The following ARL5B variants were observed in gnomAD, a reference collection of about 807,000 sequenced individuals.
The protein encoded by ARL5B is ARF like GTPase 5B.
In ARL5B, 10 loss-of-function variants were observed where a neutral mutation model predicts 26.9. The observed-to-expected ratio is 0.37, with a 90% CI of 0.23 to 0.63. ARL5B has a LOEUF of 0.63. Among genes scored for constraint, ARL5B ranks in the 30% least tolerant of loss-of-function variants. The probability of loss-of-function intolerance (pLI) is 0.62; values close to 1 mark genes in which losing one functional copy is unlikely to be tolerated. For synonymous variants in ARL5B, 87 were observed against 70.4 expected (o/e 1.24, Z -1.18); for missense variants, 167 against 213.9 (o/e 0.78, Z 1.37).
At chr10:18,669,934 CA>C (rs1261472619) in intron 3 of ARL5B, among the ~76,000 whole-genome samples, 2 of 146,788 alleles carry the variant, frequency 1.4e-5, no homozygotes, top group Admixed American at 1.4e-4. Flanking sequence ...GCAGAGTTTG[CA>C]GTGAGCCGAG....
intron 1 of ARL5B, among the ~76,000 whole-genome samples, chr10:18,661,423 CGCATAATTGTTCAG>C: frequency 6.6e-6 from 1 of 152,206 alleles, no homozygotes; most frequent in East Asian, 1.9e-4. Flanking sequence ...CTTTTATACT[CGCATAATTGTTCAG>C]GCCTCCTGAA....
Position 18,680,759 on chromosome 10 carries a change from G to A in ARL5B, c.*5543G>A, listed in dbSNP as rs1564870091. On this transcript the variant is annotated 3_prime_UTR_variant, in exon 6 of 6. Coordinates refer to ENST00000377275, the MANE Select transcript of ARL5B (RefSeq NM_178815.5). ...ACAGAATAGTTACAAATTTTACCAT[G>A]TTCATCTATTCCACAGAGCATGTTA... 6.6e-6 allele frequency: 1 copy of A among 151,990 alleles called. No individual in the cohort carries two copies. The highest frequency in any genetic ancestry group is 2.4e-5 in the African/African-American group (1 of 41,400). The allele number at this position is 151,990 out of a possible 1,614,324, so 9.4% of individuals were successfully genotyped here.
chr10:18,664,902 C>T (rs1342473312), intron 1 of ARL5B, among the ~76,000 whole-genome samples: 1 of 152,148 alleles, frequency 6.6e-6, no homozygotes, highest in Non-Finnish European at 1.5e-5. Flanking sequence ...CCTGGGTCTT[C>T]ATTTGAGTTG....
chr10:18,659,551 G>C lies in ARL5B; in HGVS notation c.-87G>C. On this transcript the variant is annotated 5_prime_UTR_variant, in exon 1 of 6. Transcript: ENST00000377275. Reference sequence around the variant, plus strand: ...GCGCGATCTCAGGCGGGTTCTCCTCGGCTCCGCGCAGCCCGCGCCGCGGTG... The same window carrying C: ...GCGCGATCTCAGGCGGGTTCTCCTCCGCTCCGCGCAGCCCGCGCCGCGGTG... 4.1e-6 allele frequency: 6 copies of C among 1,470,752 alleles called. No homozygotes were observed. Among genetic ancestry groups the C allele is most frequent in the Non-Finnish European group, 5.4e-6 (6 of 1,112,246 alleles). 91.1% of individuals were successfully genotyped at this position (1,470,752 alleles called of 1,614,324 possible).
intron 2 of ARL5B, among the ~76,000 whole-genome samples, 168 bp from the exon 3 acceptor site, chr10:18,668,362 T>C (rs542718285): frequency 2.0e-5 from 3 of 152,214 alleles, no homozygotes; most frequent in South Asian, 2.1e-4. Flanking sequence ...CTTCTGGAGT[T>C]GTTATCTAGA....
rs545835350 is a variant in ARL5B at position 18,676,276 on chromosome 10, C to G, written c.*1060C>G. The G allele has an allele frequency of 1.3e-5, 2 of 152,310 alleles. No homozygotes were observed. Among genetic ancestry groups the G allele is most frequent in the East Asian group, 3.9e-4 (2 of 5,192 alleles). 9.4% of individuals were successfully genotyped at this position (152,310 alleles called of 1,614,324 possible). On this transcript the variant is annotated 3_prime_UTR_variant, in exon 6 of 6. Coordinates refer to ENST00000377275, the MANE Select transcript of ARL5B (RefSeq NM_178815.5). Reference sequence around the variant, plus strand: ...CATGGCTTTCCTTGAATTTATTTGACGGTATTATGTAATAGACTTGAAACA... The same window carrying G: ...CATGGCTTTCCTTGAATTTATTTGAGGGTATTATGTAATAGACTTGAAACA...
In ARL5B at chr10:18,680,700, G is replaced by A. The variant is rs2059928589; in HGVS notation, c.*5484G>A. On this transcript the variant is annotated 3_prime_UTR_variant, in exon 6 of 6. Coordinates refer to ENST00000377275, the MANE Select transcript of ARL5B (RefSeq NM_178815.5). The stretch of plus-strand genomic sequence containing the variant: ...AAGTTTAGCTGCTATTTCAGTGAAA[G>A]TGTAAAATAAAACGGTCATGATTTT... 1.3e-5 allele frequency: 2 copies of A among 152,090 alleles called. No individual in the cohort carries two copies. Among genetic ancestry groups the A allele is most frequent in the Non-Finnish European group, 1.5e-5 (1 of 67,980 alleles). The allele number at this position is 152,090 out of a possible 1,614,324, so 9.4% of individuals were successfully genotyped here. A position where few individuals can be genotyped will look rare whatever the true frequency, so the allele number is the denominator to read the frequency against.
chr10:18,669,828 C>T (rs752113632), intron 3 of ARL5B, among the ~76,000 whole-genome samples: 55 of 152,014 alleles, frequency 3.6e-4, no homozygotes, highest in Middle Eastern at 6.8e-3. Flanking sequence ...CCCGTCTCTA[C>T]TAAAAATACA....
intron 3 of ARL5B, among the ~76,000 whole-genome samples, chr10:18,670,577 C>G (rs1366547909): frequency 6.6e-6 from 1 of 152,120 alleles, no homozygotes; most frequent in East Asian, 1.9e-4. Flanking sequence ...CACCACTGCA[C>G]TCCAGCCTGG....
chr10:18,672,949 G>C (rs1161701522), intron 4 of ARL5B, among the ~76,000 whole-genome samples: 1 of 152,004 alleles, frequency 6.6e-6, no homozygotes, highest in Non-Finnish European at 1.5e-5. Flanking sequence ...CAAAGCTAAA[G>C]TTACTTAAGC....
At chr10:18,665,223 C>T (rs1281182800) in intron 1 of ARL5B, among the ~76,000 whole-genome samples, 2 of 152,072 alleles carry the variant, frequency 1.3e-5, no homozygotes, top group Non-Finnish European at 2.9e-5. Flanking sequence ...ACCTGTGGTC[C>T]CAGCTATTCA....
In ARL5B at chr10:18,674,122, C is replaced by T; in HGVS notation, c.478C>T (p.Leu160Phe). The T allele has an allele frequency of 6.2e-6, 10 of 1,610,270 alleles. No individual in the cohort carries two copies. Among genetic ancestry groups the T allele is most frequent in the Non-Finnish European group, 6.8e-6 (8 of 1,178,338 alleles). The stretch of plus-strand genomic sequence containing the variant: ...ATGGCACATTCAATCCTGCTGTGCT[C>T]TCACAGGAGAAGGGTAAGTTCATCC... ...HPWHIQSCCA[L>F]TGEGLCQGLE... Residue 160 changes from leucine to phenylalanine, a missense_variant, in exon 5 of 6, where the codon CTC (leucine) becomes TTC (phenylalanine). Coordinates refer to ENST00000377275, the MANE Select transcript of ARL5B (RefSeq NM_178815.5).
At position 18,668,716 on chromosome 10, in the gene ARL5B, C is replaced by T. The variant is rs757631670; in HGVS notation, c.255+39C>T. On this transcript the variant is annotated intron_variant, in intron 3 of 5. Coordinates refer to ENST00000377275, the MANE Select transcript of ARL5B (RefSeq NM_178815.5). ...AATTTTGAATTTTAATCCAAAGGTC[C>T]CTAGAGTAAACATAGAAAGTAATTA... The T allele has an allele frequency of 2.5e-6, 4 of 1,599,922 alleles. No individual in the cohort carries two copies. The African/African-American group carries it at 4.1e-5, about 16-fold the overall frequency.
chr10:18,680,641 G>A lies in ARL5B; in HGVS notation c.*5425G>A, dbSNP rs753112959. 1 of 152,066 alleles carries A rather than the reference G, an allele frequency of 6.6e-6. No individual in the cohort carries two copies. Among genetic ancestry groups the A allele is most frequent in the Non-Finnish European group, 1.5e-5 (1 of 67,978 alleles). The allele number at this position is 152,066 out of a possible 1,614,324, so 9.4% of individuals were successfully genotyped here. ...ATTCTCTTGGAGTAAACTGTTGAGTGTAGTTACAAAAACTTTTATTTATGA... is the reference window on the plus strand; with the variant it reads ...ATTCTCTTGGAGTAAACTGTTGAGTATAGTTACAAAAACTTTTATTTATGA... On this transcript the variant is annotated 3_prime_UTR_variant, in exon 6 of 6. Coordinates refer to ENST00000377275, the MANE Select transcript of ARL5B (RefSeq NM_178815.5).
chr10:18,662,867 TA>T (rs1302107794), intron 1 of ARL5B, among the ~76,000 whole-genome samples: 1 of 151,448 alleles, frequency 6.6e-6, no homozygotes, highest in African/African-American at 2.4e-5. Context: ...CCACTCCGGC[TA>T]ATTTTTGTAT....
At chr10:18,673,543 A>T (rs115635697) in intron 4 of ARL5B, among the ~76,000 whole-genome samples, 1 of 152,172 alleles carries the variant, frequency 6.6e-6, no homozygotes, top group Non-Finnish European at 1.5e-5. Context: ...ATCACAATCT[A>T]TTCTTCTAAT....
chr10:18,669,081 C>A (rs2059875246), intron 3 of ARL5B, among the ~76,000 whole-genome samples: 1 of 151,746 alleles, frequency 6.6e-6, no homozygotes, highest in Non-Finnish European at 1.5e-5. Flanking sequence ...TTAATAAGAT[C>A]CTTTTTTGTA....
chr10:18,678,754 T>C lies in ARL5B; in HGVS notation c.*3538T>C, dbSNP rs776252247. On this transcript the variant is annotated 3_prime_UTR_variant, in exon 6 of 6. Coordinates refer to ENST00000377275, the MANE Select transcript of ARL5B (RefSeq NM_178815.5). ...AAGGCTATTTTACATTTTGCCGGGGTAAAGTGACTTCAAGATACAGCATGG... is the reference window on the plus strand; with the variant it reads ...AAGGCTATTTTACATTTTGCCGGGGCAAAGTGACTTCAAGATACAGCATGG... 3.3e-5 allele frequency: 5 copies of C among 151,532 alleles called. No individual in the cohort carries two copies. Among genetic ancestry groups the C allele is most frequent in the Admixed American group, 2.0e-4 (3 of 15,174 alleles). The allele number at this position is 151,532 out of a possible 1,614,324, so 9.4% of individuals were successfully genotyped here.
intron 1 of ARL5B, among the ~76,000 whole-genome samples, chr10:18,660,131 T>G (rs1202591764): frequency 6.6e-6 from 1 of 152,116 alleles, no homozygotes; most frequent in Non-Finnish European, 1.5e-5. Context: ...GCCAGTGCAC[T>G]TTCACTCTGA....
Sources: gnomAD v4.1 joint callset for allele counts (sites outside exome capture counted in the v4.1 genomes callset) on GRCh38, gnomAD v4.1.1 for gene constraint, MANE v1.5 for transcripts, NCBI Gene and HGNC (gene_info 2026-07-23, HGNC 2026-07-21) for gene names.